Variants in TRPM6 observed in about 807,000 individuals in gnomAD.
TRPM6 encodes the protein channel kinase 2.
A neutral mutation model predicts 247.6 loss-of-function variants in TRPM6; 111 were observed. That is an observed-to-expected ratio of 0.45 (90% confidence interval 0.38 to 0.52). The LOEUF (loss-of-function observed/expected upper bound fraction) is 0.52. Ranked by LOEUF, TRPM6 falls within the 20% of genes least tolerant of loss-of-function variation. The pLI, the probability that TRPM6 is intolerant of heterozygous loss-of-function variation, is 0.00. For synonymous variants in TRPM6, 892 were observed against 853.8 expected (o/e 1.04, Z -0.78); for missense variants, 2,126 against 2,421.5 (o/e 0.88, Z 2.56).
intron 3 of TRPM6, among the ~76,000 whole-genome samples, chr9:74,851,111 T>C (rs1385860985): frequency 1.3e-5 from 2 of 152,224 alleles, no homozygotes; most frequent in Non-Finnish European, 2.9e-5. Context: ...ATTCTTTTTT[T>C]TTCTAGTTCA....
chr9:74,836,217 C>CACT (rs1229117702), intron 5 of TRPM6, among the ~76,000 whole-genome samples: 1 of 152,192 alleles, frequency 6.6e-6, no homozygotes, highest in Non-Finnish European at 1.5e-5. Context: ...TAGTTGGAAT[C>CACT]ATACAGTAAG....
chr9:74,762,346 T>C lies in TRPM6; in HGVS notation c.4325A>G (p.Gln1442Arg), dbSNP rs1826674282. ...ACCTCCAGTTTGCATGATCTTGGCT[T>C]GGGAAAGAGGGGAGCTCATTGTCAT... ...EPMTMSSPLS[Q>R]AKIMQTGGGY... Residue 1442 changes from glutamine to arginine, a missense_variant, in exon 26 of 39, where the codon CAA (glutamine) becomes CGA (arginine). Gln to Arg is a conservative substitution (Grantham distance 43, BLOSUM62 1). This residue lies in a region of TRPM6 where 717 missense variants were observed against 715.9 expected (regional missense o/e 1.00). Transcript: ENST00000360774. 1.4e-5 allele frequency: 23 copies of C among 1,614,106 alleles called. No individual in the cohort carries two copies. The highest frequency in any genetic ancestry group is 1.9e-5 in the Non-Finnish European group (23 of 1,180,044).
In TRPM6 at chr9:74,771,930, G is replaced by A. The variant is rs1386371520; in HGVS notation, c.3404-95C>T. 6.8e-6 allele frequency: 8 copies of A among 1,179,480 alleles called. No individual in the cohort carries two copies. The East Asian group carries it at 1.2e-4, about 17-fold the overall frequency. 73.1% of individuals were successfully genotyped at this position (1,179,480 alleles called of 1,614,324 possible). The stretch of plus-strand genomic sequence containing the variant: ...CTTGTATTGAAAATGAGAAACTATA[G>A]CCTGTTGTGATAAGTTTGTCACCTT... On this transcript the variant is annotated intron_variant, in intron 24 of 38. Coordinates refer to ENST00000360774, the MANE Select transcript of TRPM6 (RefSeq NM_017662.5).
At chr9:74,733,418 G>T (rs1825591445) in intron 36 of TRPM6, among the ~76,000 whole-genome samples, 1 of 152,088 alleles carries the variant, frequency 6.6e-6, no homozygotes, top group Non-Finnish European at 1.5e-5. Context: ...GGCCTCAAAT[G>T]ATTGTTTTAG....
chr9:74,746,235 T>C (rs1326788556), intron 31 of TRPM6, among the ~76,000 whole-genome samples: 1 of 144,258 alleles, frequency 6.9e-6, no homozygotes, highest in East Asian at 2.0e-4. Context: ...TGAGACTCCA[T>C]CTCAAAAAAA....
intron 9 of TRPM6, among the ~76,000 whole-genome samples, chr9:74,819,177 C>T (rs1829058114): frequency 6.6e-6 from 1 of 151,986 alleles, no homozygotes; most frequent in Non-Finnish European, 1.5e-5. Context: ...GGCATGGTGG[C>T]ATGCACCTGT....
At chr9:74,847,606 T>C (rs1196067672) in intron 3 of TRPM6, among the ~76,000 whole-genome samples, 2 of 152,082 alleles carry the variant, frequency 1.3e-5, no homozygotes, top group East Asian at 3.9e-4. Context: ...CTTTAATATA[T>C]ATATAGTCAT....
At chr9:74,839,878 G>A in intron 5 of TRPM6, 146 bp downstream of exon 5, 1 of 552,416 alleles carries the variant, frequency 1.8e-6, no homozygotes, top group Non-Finnish European at 3.1e-6. Context: ...AGGAAGGAAG[G>A]AAGGAAGGAA....
chr9:74,887,288 G>A, intron 1 of TRPM6: 3 of 1,354,754 alleles, frequency 2.2e-6, no homozygotes, highest in Non-Finnish European at 2.8e-6. Context: ...GGGCGCACGG[G>A]GACGCGCAGG....
chr9:74,854,251 T>C (rs1460444614), intron 3 of TRPM6, among the ~76,000 whole-genome samples: 1 of 152,226 alleles, frequency 6.6e-6, no homozygotes, highest in Non-Finnish European at 1.5e-5. Flanking sequence ...TAAAAGTAGA[T>C]GCTTTTCCAA....
intron 18 of TRPM6, among the ~76,000 whole-genome samples, chr9:74,793,875 C>A (rs1041732251): frequency 1.3e-5 from 2 of 152,028 alleles, no homozygotes; most frequent in Admixed American, 6.6e-5. Context: ...ATGTGTCAGT[C>A]CAAGGGAATT....
chr9:74,813,078 T>A (rs149743323), intron 11 of TRPM6, among the ~76,000 whole-genome samples: 1 of 152,332 alleles, frequency 6.6e-6, no homozygotes, highest in East Asian at 1.9e-4. Flanking sequence ...TCAAGGTTTC[T>A]TCTTCTTCTT....
intron 1 of TRPM6, among the ~76,000 whole-genome samples, chr9:74,883,470 A>G (rs1255437503): frequency 6.6e-6 from 1 of 152,174 alleles, no homozygotes; most frequent in Non-Finnish European, 1.5e-5. Flanking sequence ...TCAAAAATAA[A>G]AGTTTTATTC....
At position 74,781,429 on chromosome 9, in the gene TRPM6, G is replaced by T. The variant is rs190352302; in HGVS notation, c.3209+933C>A. On this transcript the variant is annotated intron_variant, in intron 23 of 38. Coordinates refer to ENST00000360774, the MANE Select transcript of TRPM6 (RefSeq NM_017662.5). Reference sequence around the variant, plus strand: ...CAGGCGCCTGTAATCCCATCTACTTGGGAGGCTGAGGCAGGAGAATTGCTT... The same window carrying T: ...CAGGCGCCTGTAATCCCATCTACTTTGGAGGCTGAGGCAGGAGAATTGCTT... Among the ~76,000 whole-genome samples, 72 of 151,464 alleles carry T rather than the reference G, an allele frequency of 4.8e-4. 1 individual carries two copies. The highest frequency in any genetic ancestry group is 1.7e-3 in the African/African-American group (70 of 41,260).
chr9:74,752,760 G>GAATC (rs749588261), intron 28 of TRPM6, among the ~76,000 whole-genome samples: 17 of 151,916 alleles, frequency 1.1e-4, no homozygotes, highest in Non-Finnish European at 1.2e-4. Flanking sequence ...GTCTAGTTAG[G>GAATC]AATCCTTCCT....
At chr9:74,886,176 A>G (rs767468448) in intron 1 of TRPM6, among the ~76,000 whole-genome samples, 15 of 152,194 alleles carry the variant, frequency 9.9e-5, no homozygotes, top group Admixed American at 2.0e-4. Context: ...GTTTAACACT[A>G]CCAAAGGGTA....
intron 24 of TRPM6, 109 bp downstream of exon 24, chr9:74,775,774 C>T: frequency 9.0e-7 from 1 of 1,114,948 alleles, no homozygotes; most frequent in Non-Finnish European, 1.4e-6. Flanking sequence ...TGTCAGGGAA[C>T]TCCCAGAGCC....
In TRPM6 at chr9:74,794,893, CT is replaced by C. The variant is rs371284602; in HGVS notation, c.2391+1847del. Among the ~76,000 whole-genome samples the C allele has an allele frequency of 3.7e-3, 539 of 147,048 alleles. 3 individuals are homozygous for C. Among genetic ancestry groups the C allele is most frequent in the African/African-American group, 0.013 (513 of 39,634 alleles). ...CCACACCCCCTGACCACCCCACACT[CT>C]TTTTTTCTAATTGTAATCTGATACA... On this transcript the variant is annotated intron_variant, in intron 18 of 38. Transcript: ENST00000360774.
chr9:74,777,669 C>G (rs139508071), intron 23 of TRPM6, among the ~76,000 whole-genome samples: 1 of 152,264 alleles, frequency 6.6e-6, no homozygotes, highest in Non-Finnish European at 1.5e-5. Flanking sequence ...GCCAAGAGTC[C>G]ATAGGCTCCC....
Sources: allele counts gnomAD v4.1 joint callset (sites outside exome capture counted in the v4.1 genomes callset), GRCh38; gene constraint gnomAD v4.1.1; regional missense constraint gnomAD v4.1.1; transcripts MANE v1.5; gene names NCBI Gene and HGNC (gene_info 2026-07-23, HGNC 2026-07-21).